MAPT: variants seen among roughly 807,000 people sequenced by gnomAD.
MAPT encodes the protein microtubule associated protein tau.
MAPT carries 34 observed loss-of-function variants against 67.9 expected under a neutral mutation model. That is an observed-to-expected ratio of 0.50 (90% CI 0.38 to 0.67). The LOEUF (loss-of-function observed/expected upper bound fraction) is 0.67, where lower values mean the gene tolerates loss of function less well. MAPT is among the 30% of genes least tolerant of loss of function. MAPT has a pLI of 0.00. For missense variants in MAPT, 881 were observed against 1,115.2 expected (o/e 0.79, Z 2.99); for synonymous variants, 456 against 464.5 (o/e 0.98, Z 0.23).
At chr17:45,926,370 G>A (rs769769005) in intron 1 of MAPT, among the ~76,000 whole-genome samples, 16 of 151,932 alleles carry the variant, frequency 1.1e-4, no homozygotes, top group East Asian at 1.9e-4. Flanking sequence ...GTACAGTGGC[G>A]TGATCATGGC....
intron 1 of MAPT, among the ~76,000 whole-genome samples, chr17:45,954,852 C>T (rs1453644232): frequency 2.6e-5 from 4 of 151,718 alleles, no homozygotes; most frequent in Non-Finnish European, 4.4e-5. Flanking sequence ...GGCACAGTGG[C>T]GGGCGCCTGT....
chr17:45,990,416 C>A, intron 7 of MAPT: 1 of 438,430 alleles, frequency 2.3e-6, no homozygotes, highest in Non-Finnish European at 4.4e-6. Context: ...GAGTTCGAGA[C>A]CAGCCTGGCT....
intron 2 of MAPT, among the ~76,000 whole-genome samples, 194 bp downstream of exon 2, chr17:45,962,664 G>A (rs546407901): frequency 1.2e-4 from 19 of 152,302 alleles, no homozygotes; most frequent in African/African-American, 4.3e-4. Context: ...GGTGGCTCAC[G>A]CCTGTAATCC....
chr17:45,964,408 G>A (rs1297036766), intron 2 of MAPT, among the ~76,000 whole-genome samples: 33 of 137,384 alleles, frequency 2.4e-4, no homozygotes, highest in Non-Finnish European at 4.2e-4. Flanking sequence ...GGCCGGGCGC[G>A]GTGGCTCACG....
At chr17:45,999,166 A>T (rs2074770405) in intron 9 of MAPT, 1 of 1,456,688 alleles carries the variant, frequency 6.9e-7, no homozygotes, top group African/African-American at 1.4e-5. Context: ...CCTTAAATCC[A>T]AGTTCAGTTG....
At chr17:46,005,589 A>AT (rs111582708) in intron 9 of MAPT, among the ~76,000 whole-genome samples, 21,744 of 151,704 alleles carry the variant, frequency 0.14, 2,114 homozygotes, top group Non-Finnish European at 0.22. Context: ...CATTAAAACT[A>AT]TTTTTTTTTA....
chr17:45,960,417 ATTCCTCAGCCAGATGGCATG>A (rs780720863), intron 1 of MAPT, among the ~76,000 whole-genome samples: 100 of 152,346 alleles, frequency 6.6e-4, no homozygotes, highest in Non-Finnish European at 1.1e-3. Context: ...GTTCAAATTT[ATTCCTCAGCCAGATGGCATG>A]TGCCGCCTGT....
intron 1 of MAPT, among the ~76,000 whole-genome samples, chr17:45,904,401 A>G (rs917138195): frequency 1.2e-5 from 1 of 85,938 alleles, no homozygotes; most frequent in African/African-American, 3.6e-5. Flanking sequence ...ATATATACAC[A>G]TATATATATA....
At chr17:45,959,422 G>A (rs2070128211) in intron 1 of MAPT, among the ~76,000 whole-genome samples, 1 of 152,152 alleles carries the variant, frequency 6.6e-6, no homozygotes, top group Admixed American at 6.6e-5. Flanking sequence ...CACTTGCACT[G>A]CATCTGAGAA....
chr17:45,999,429 A>G lies in MAPT; in HGVS notation c.1998+2765A>G, dbSNP rs545673483. On this transcript the variant is annotated intron_variant, in intron 9 of 12. Coordinates refer to ENST00000262410, the MANE Select transcript of MAPT (RefSeq NM_001377265.1). ...TTGCCAGAGACAGAACCCTCAGCTTAGCATGGGAAGTAGCTTCCCTGTTGA... is the reference window on the plus strand; with the variant it reads ...TTGCCAGAGACAGAACCCTCAGCTTGGCATGGGAAGTAGCTTCCCTGTTGA... The G allele has an allele frequency of 3.7e-5, 59 of 1,614,084 alleles. No homozygotes were observed. In the South Asian group the frequency reaches 6.1e-4, roughly 17 times the overall value.
intron 1 of MAPT, among the ~76,000 whole-genome samples, chr17:45,921,812 T>A (rs1454895785): frequency 6.6e-6 from 1 of 152,134 alleles, no homozygotes; most frequent in East Asian, 1.9e-4. Flanking sequence ...AGGCAAGGAT[T>A]TTGAGACCTT....
At chr17:45,999,661 G>C in intron 9 of MAPT, 1 of 1,599,552 alleles carries the variant, frequency 6.3e-7, no homozygotes, top group Non-Finnish European at 8.5e-7. Context: ...CTCATGCCAA[G>C]TGTAGAAAGG....
intron 1 of MAPT, among the ~76,000 whole-genome samples, chr17:45,909,971 G>A (rs1252741200): frequency 6.6e-6 from 1 of 151,982 alleles, no homozygotes; most frequent in East Asian, 1.9e-4. Flanking sequence ...AACCTGGGAG[G>A]CAGTGGTTGC....
At chr17:45,938,704 A>G (rs1474870354) in intron 1 of MAPT, among the ~76,000 whole-genome samples, 2 of 151,840 alleles carry the variant, frequency 1.3e-5, no homozygotes, top group South Asian at 2.1e-4. Context: ...GTGCAGTGGT[A>G]TGATCACAGC....
chr17:45,985,412 A>G (rs1180320639), intron 5 of MAPT, among the ~76,000 whole-genome samples: 2 of 152,244 alleles, frequency 1.3e-5, no homozygotes, highest in Non-Finnish European at 2.9e-5. Context: ...GGTTACTACA[A>G]TATTTCCTGA....
chr17:45,942,596 G>T (rs1043203695), intron 1 of MAPT, among the ~76,000 whole-genome samples: 1 of 152,200 alleles, frequency 6.6e-6, no homozygotes, highest in Non-Finnish European at 1.5e-5. Context: ...AAATTCAGAC[G>T]GGAGCTGGGG....
At position 46,024,062 on chromosome 17, in the gene MAPT, G is replaced by C. The variant is rs758074229; in HGVS notation, c.2393G>C (p.Arg798Pro). ...GTGGTGTCTGGGGACACGTCTCCAC[G>C]GCATCTCAGCAATGTCTCCTCCACC... is the stretch of plus-strand genomic sequence containing the variant. ...SPVVSGDTSP[R>P]HLSNVSSTGS... Residue 798 changes from arginine to proline, a missense_variant, in exon 13 of 13, where the codon CGG (arginine) becomes CCG (proline). Transcript: ENST00000262410. 2 of 1,614,124 alleles carry C rather than the reference G, an allele frequency of 1.2e-6. No individual in the cohort carries two copies. The highest frequency in any genetic ancestry group is 1.7e-6 in the Non-Finnish European group (2 of 1,180,032).
intron 9 of MAPT, among the ~76,000 whole-genome samples, chr17:46,009,983 T>C (rs2075710917): frequency 6.6e-6 from 1 of 152,192 alleles, no homozygotes; most frequent in East Asian, 1.9e-4. Context: ...TGGTGAACGC[T>C]CCCCTCTGGG....
rs887167499 is a variant in MAPT at position 46,027,218 on chromosome 17, T to C, written c.*3047T>C. The stretch of plus-strand genomic sequence containing the variant: ...CTCTTCAGCACCATGGGCCTTCTTA[T>C]ACGGAAGGCTCTGGGATCTCCCCCT... On this transcript the variant is annotated 3_prime_UTR_variant, in exon 13 of 13. Transcript: ENST00000262410. 1 of 151,564 alleles carries C rather than the reference T, an allele frequency of 6.6e-6. No homozygotes were observed. Among genetic ancestry groups the C allele is most frequent in the Non-Finnish European group, 1.5e-5 (1 of 67,946 alleles). The allele number at this position is 151,564 out of a possible 1,614,324, so 9.4% of individuals were successfully genotyped here.
Sources: allele counts gnomAD v4.1 joint callset (sites outside exome capture counted in the v4.1 genomes callset), GRCh38; gene constraint gnomAD v4.1.1; transcripts MANE v1.5; gene names NCBI Gene and HGNC (gene_info 2026-07-23, HGNC 2026-07-21).